Variants in MYBPC1 observed in about 807,000 individuals in gnomAD.
MYBPC1 encodes myosin binding protein C1.
Under a neutral mutation model 147.1 loss-of-function variants are expected in MYBPC1, and 52 were observed. The observed-to-expected ratio is 0.35, with a 90% CI of 0.28 to 0.45. The LOEUF (loss-of-function observed/expected upper bound fraction) is 0.45. MYBPC1 is among the 20% of genes least tolerant of loss of function. MYBPC1 has a pLI of 1.00. For synonymous variants in MYBPC1, 477 were observed against 475.9 expected, an observed-to-expected ratio of 1.00 and a Z score of -0.03; for missense variants, 1,228 against 1,440.3, an observed-to-expected ratio of 0.85 and a Z score of 2.39.
At chr12:101,613,369 G>A (rs1298988328) in intron 1 of MYBPC1, among the ~76,000 whole-genome samples, 5 of 152,190 alleles carry the variant, frequency 3.3e-5, no homozygotes, top group African/African-American at 9.7e-5. Flanking sequence ...AAAAAATGTG[G>A]AAAATCCCAT....
chr12:101,613,711 A>G (rs999872450), intron 1 of MYBPC1, among the ~76,000 whole-genome samples: 8 of 152,226 alleles, frequency 5.3e-5, no homozygotes, highest in Non-Finnish European at 1.2e-4. Flanking sequence ...TGTAATAACC[A>G]GACATCGAAA....
chr12:101,618,134 T>A (rs138618041), intron 3 of MYBPC1, among the ~76,000 whole-genome samples: 1 of 152,334 alleles, frequency 6.6e-6, no homozygotes, highest in East Asian at 1.9e-4. Context: ...ATGTTAAGTA[T>A]CTCTTTGTTC....
intron 1 of MYBPC1, among the ~76,000 whole-genome samples, chr12:101,598,288 G>A (rs1456491136): frequency 2.6e-5 from 4 of 152,130 alleles, no homozygotes; most frequent in African/African-American, 9.7e-5. Context: ...CCAGAGTGCT[G>A]GGATTACAGG....
rs1287128681 is a variant in MYBPC1, at chr12:101,653,255, T to TTTA, written c.1767+9_1767+11dup. ...GTGGAGCCGGGGAGATAAGGTTTGT[T>TTTA]TTATGCTTGCACACACTCACATGCA... On this transcript the variant is annotated splice_region_variant and intron_variant, in intron 18 of 31. Coordinates refer to ENST00000361466, the MANE Select transcript of MYBPC1 (RefSeq NM_002465.4). 6.2e-7 allele frequency: 1 copy of TTTA among 1,613,538 alleles called. No homozygotes were observed. The highest frequency in any genetic ancestry group is 8.5e-7 in the Non-Finnish European group (1 of 1,179,996).
At chr12:101,666,588 C>T in intron 22 of MYBPC1, 7 of 728,368 alleles carry the variant, frequency 9.6e-6, no homozygotes, top group South Asian at 9.0e-5. Flanking sequence ...GAGGAACCCC[C>T]CTAACACCGT....
chr12:101,631,807 G>A lies in MYBPC1; in HGVS notation c.438+88G>A, dbSNP rs993700780. On this transcript the variant is annotated intron_variant, in intron 7 of 31. Transcript: ENST00000361466. The stretch of plus-strand genomic sequence containing the variant: ...ATTATTTTCAGGTTCAGCTTTGAGA[G>A]ACTTCAGTTCCAGAAAATCCTCTGA... 7.0e-6 allele frequency: 11 copies of A among 1,579,436 alleles called. No individual in the cohort carries two copies. In the Admixed American group the frequency reaches 1.9e-4, roughly 27 times the overall value.
At position 101,644,704 on chromosome 12, in the gene MYBPC1, A is replaced by T; in HGVS notation, c.873A>T (p.Lys291Asn). The T allele has an allele frequency of 6.2e-7, 1 of 1,614,034 alleles. No individual in the cohort carries two copies. The highest frequency in any genetic ancestry group is 8.5e-7 in the Non-Finnish European group (1 of 1,179,906). The stretch of plus-strand genomic sequence containing the variant: ...TTGATCCTGCATATCAGGTTGACAA[A>T]GGAGGCAGAGTGAGGTTTGTTGTGG... ...KILDPAYQVD[K>N]GGRVRFVVEL... The change falls in exon 12 of 32, where the codon AAA becomes AAT. Residue 291 changes from lysine (K) to asparagine (N), a missense_variant. Lys to Asn is a moderately conservative substitution (Grantham distance 94, BLOSUM62 0). This residue lies in a region of MYBPC1 where 1,077 missense variants were observed against 1,314.2 expected (regional missense o/e 0.82). Transcript: ENST00000361466.
intron 1 of MYBPC1, among the ~76,000 whole-genome samples, chr12:101,609,643 C>T (rs916848917): frequency 2.0e-5 from 3 of 152,058 alleles, no homozygotes; most frequent in Non-Finnish European, 2.9e-5. Flanking sequence ...GTGATTAATA[C>T]GCATACTGCA....
chr12:101,639,028 A>G (rs1158779477), intron 10 of MYBPC1, among the ~76,000 whole-genome samples: 1 of 152,190 alleles, frequency 6.6e-6, no homozygotes, highest in African/African-American at 2.4e-5. Flanking sequence ...CACAAGAAAA[A>G]AAAATATGAT....
chr12:101,661,063 C>T, intron 19 of MYBPC1, 95 bp from the exon 20 acceptor site: 2 of 773,170 alleles, frequency 2.6e-6, no homozygotes, highest in South Asian at 3.1e-5. Context: ...ATAACAGTTT[C>T]AATGATTATC....
At chr12:101,600,678 CAG>C (rs1229761800) in intron 1 of MYBPC1, among the ~76,000 whole-genome samples, 1 of 152,080 alleles carries the variant, frequency 6.6e-6, no homozygotes, top group African/African-American at 2.4e-5. Context: ...TTTGTGGACA[CAG>C]AGAAGAATTT....
At chr12:101,647,066 A>G in intron 13 of MYBPC1, 179 bp downstream of exon 13, 1 of 723,258 alleles carries the variant, frequency 1.4e-6, no homozygotes, top group African/African-American at 1.8e-5. Flanking sequence ...CCTGTTGAGT[A>G]CAAATGCCTC....
At chr12:101,675,173 T>C (rs1383637535) in intron 25 of MYBPC1, 119 bp from the exon 26 acceptor site, 5 of 1,364,086 alleles carry the variant, frequency 3.7e-6, no homozygotes, top group African/African-American at 1.4e-5. Context: ...CATGGTAGGG[T>C]CTAGAAGAGT....
intron 28 of MYBPC1, among the ~76,000 whole-genome samples, 200 bp from the exon 29 acceptor site, chr12:101,680,143 T>A (rs1394964998): frequency 6.6e-6 from 1 of 152,232 alleles, no homozygotes; most frequent in East Asian, 1.9e-4. Context: ...TGGCTTTCTT[T>A]GTTAGAACTG....
intron 4 of MYBPC1, 109 bp downstream of exon 4, chr12:101,627,019 G>A: frequency 9.5e-7 from 1 of 1,057,552 alleles, no homozygotes; most frequent in East Asian, 2.4e-5. Context: ...ACAGAGCAGG[G>A]GCAACAGTTT....
chr12:101,682,876 C>T (rs1034621153), intron 30 of MYBPC1, among the ~76,000 whole-genome samples: 1 of 152,188 alleles, frequency 6.6e-6, no homozygotes, highest in African/African-American at 2.4e-5. Context: ...CAGAAAGCTA[C>T]ATACCATACC....
At chr12:101,669,927 TGAAAAAAAAAAA>T (rs775801183) in intron 23 of MYBPC1, 13 of 171,554 alleles carry the variant, frequency 7.6e-5, no homozygotes, top group Non-Finnish European at 1.2e-4. Context: ...AGAGACTCTC[TGAAAAAAAAAAA>T]GAAAAAAAAA....
chr12:101,629,535 G>A lies in MYBPC1; in HGVS notation c.280G>A (p.Val94Met), dbSNP rs1889391181. Residue 94 changes from valine to methionine, a missense_variant, in exon 6 of 32, where the codon GTG (valine) becomes ATG (methionine). This residue lies in a region of MYBPC1 where 151 missense variants were observed against 126.1 expected (regional missense o/e 1.20). Transcript: ENST00000361466. Reference protein sequence around the residue: ...LFIEKPQGGTVKVGEDITFIA... With the variant: ...LFIEKPQGGTMKVGEDITFIA... ...CATTGAAAAACCTCAAGGAGGAACA[G>A]TGAAAGTTGGTGAGTGCCTAGCATT... is the stretch of plus-strand genomic sequence containing the variant. 1 of 1,609,066 alleles carries A rather than the reference G, an allele frequency of 6.2e-7. No homozygotes were observed. Among genetic ancestry groups the A allele is most frequent in the Non-Finnish European group, 8.5e-7 (1 of 1,175,544 alleles).
the MYBPC1 span, among the ~76,000 whole-genome samples, chr12:101,694,576 C>T: frequency 6.6e-6 from 1 of 152,226 alleles, no homozygotes; most frequent in African/African-American, 2.4e-5. Flanking sequence ...CTTTCTCTCT[C>T]TGTCTGTCAT....
Sources: gnomAD v4.1 joint callset for allele counts (sites outside exome capture counted in the v4.1 genomes callset) on GRCh38, gnomAD v4.1.1 for gene constraint, gnomAD v4.1.1 regional missense constraint, MANE v1.5 for transcripts, NCBI Gene and HGNC (gene_info 2026-07-23, HGNC 2026-07-21) for gene names.